Variants in NTM observed in about 807,000 individuals in gnomAD.
The protein encoded by NTM is neurotrimin.
A neutral mutation model predicts 42.1 loss-of-function variants in NTM; 13 were observed. The observed-to-expected ratio is 0.31, with a 90% confidence interval of 0.20 to 0.49. The LOEUF is 0.49. NTM is among the 20% of genes least tolerant of loss of function. The pLI is 0.99. For synonymous variants in NTM, 187 were observed against 179.2 expected, an observed-to-expected ratio of 1.04 and a Z score of -0.35; for missense variants, 373 against 452.8, an observed-to-expected ratio of 0.82 and a Z score of 1.60.
chr11:132,001,912 A>C (rs886864951), intron 2 of NTM, among the ~76,000 whole-genome samples: 1 of 152,166 alleles, frequency 6.6e-6, no homozygotes, highest in Non-Finnish European at 1.5e-5. Flanking sequence ...GTAATTAGAC[A>C]GGTATGGATG....
At chr11:132,043,257 G>T (rs2077447347) in intron 2 of NTM, among the ~76,000 whole-genome samples, 2 of 152,162 alleles carry the variant, frequency 1.3e-5, no homozygotes, top group Admixed American at 1.3e-4. Context: ...ACCTGAGCTT[G>T]GTTTTAAGAT....
intron 2 of NTM, among the ~76,000 whole-genome samples, chr11:132,072,521 A>G (rs944835674): frequency 2.6e-5 from 4 of 152,186 alleles, no homozygotes; most frequent in Admixed American, 6.5e-5. Flanking sequence ...ATAGTTGTGA[A>G]CCATGGGGAA....
At position 131,566,431 on chromosome 11, in the gene NTM, G is replaced by T. The variant is rs930135642; in HGVS notation, c.82+195543G>T. On this transcript the variant is annotated intron_variant, in intron 1 of 8. Coordinates refer to ENST00000683400, the MANE Select transcript of NTM (RefSeq NM_001352005.2). ...CATGTGTGTGTGTGTGTCTCGATGT[G>T]CGTGTGTGTGTGTGTGTGTCTGTGT... 8.0e-4 allele frequency among the ~76,000 whole-genome samples: 70 copies of T among 87,156 alleles called. 1 individual carries two copies. The highest frequency in any genetic ancestry group is 4.8e-3 in the African/African-American group (69 of 14,376). The allele number at this position is 87,156 out of a possible 152,430, so 57.2% of individuals were successfully genotyped here. A position where few individuals can be genotyped will look rare whatever the true frequency, so the allele number is the denominator to read the frequency against.
chr11:131,578,337 G>A (rs1295494519), intron 1 of NTM, among the ~76,000 whole-genome samples: 2 of 152,178 alleles, frequency 1.3e-5, no homozygotes, highest in African/African-American at 4.8e-5. Flanking sequence ...ATTCAGTTAT[G>A]ATCTATCTAA....
chr11:131,936,852 G>A (rs1209464787), intron 2 of NTM, among the ~76,000 whole-genome samples: 1 of 152,142 alleles, frequency 6.6e-6, no homozygotes, highest in East Asian at 1.9e-4. Context: ...TGCTCCAAGT[G>A]CTTATGTGCA....
intron 2 of NTM, among the ~76,000 whole-genome samples, chr11:131,977,849 A>G (rs527930393): frequency 3.9e-5 from 6 of 152,354 alleles, no homozygotes; most frequent in East Asian, 1.9e-4. Flanking sequence ...GCTCAGTACA[A>G]TGACTCTTTA....
chr11:131,509,996 G>C (rs371092772), intron 1 of NTM, among the ~76,000 whole-genome samples: 2 of 152,006 alleles, frequency 1.3e-5, no homozygotes, highest in African/African-American at 4.8e-5. Context: ...GTGATCTCGG[G>C]GGTGGGCCAG....
chr11:132,021,403 CTTTGT>C (rs377135358), intron 2 of NTM, among the ~76,000 whole-genome samples: 430 of 152,234 alleles, frequency 2.8e-3, no homozygotes, highest in African/African-American at 1.0e-2. Flanking sequence ...CTATTGCCTA[CTTTGT>C]TTTGTATGGG....
At position 131,598,802 on chromosome 11, in the gene NTM, TC is replaced by T. The variant is rs1392202502; in HGVS notation, c.82+227915del. On this transcript the variant is annotated intron_variant, in intron 1 of 8. Coordinates refer to ENST00000683400, the MANE Select transcript of NTM (RefSeq NM_001352005.2). ...TCTTTCTTCTTTCTTTCTTTCTTTT[TC>T]TTTCTTTCTTCTTTCTTTCTTTCTT... 1.6e-3 allele frequency among the ~76,000 whole-genome samples: 140 copies of T among 86,846 alleles called. 6 individuals carry two copies. The highest frequency in any genetic ancestry group is 2.9e-3 in the Admixed American group (22 of 7,532). 57.0% of individuals were successfully genotyped at this position (86,846 alleles called of 152,430 possible).
intron 4 of NTM, among the ~76,000 whole-genome samples, chr11:132,226,635 A>T (rs2086353567): frequency 6.6e-6 from 1 of 152,188 alleles, no homozygotes; most frequent in African/African-American, 2.4e-5. Flanking sequence ...AACCATGAAG[A>T]GAAAGATGGA....
intron 1 of NTM, among the ~76,000 whole-genome samples, chr11:131,483,522 A>G (rs547396283): frequency 6.6e-6 from 1 of 152,348 alleles, no homozygotes; most frequent in East Asian, 1.9e-4. Context: ...AATGGTGAAG[A>G]AAGGAGAGAC....
At chr11:131,997,785 G>A (rs1396558698) in intron 2 of NTM, among the ~76,000 whole-genome samples, 1 of 152,134 alleles carries the variant, frequency 6.6e-6, no homozygotes, top group Non-Finnish European at 1.5e-5. Flanking sequence ...TTCCAATGAA[G>A]GTGGCATTTG....
intron 1 of NTM, among the ~76,000 whole-genome samples, chr11:131,601,802 A>G (rs980484257): frequency 6.6e-6 from 1 of 152,216 alleles, no homozygotes; most frequent in African/African-American, 2.4e-5. Flanking sequence ...TAGTCATCAT[A>G]TATTTATCCA....
At chr11:131,551,690 C>T (rs753108527) in intron 1 of NTM, among the ~76,000 whole-genome samples, 10 of 152,170 alleles carry the variant, frequency 6.6e-5, no homozygotes, top group Middle Eastern at 3.2e-3. Context: ...CTTATCCACA[C>T]GGGCTTTCTT....
At chr11:131,861,788 G>A (rs531187113) in intron 1 of NTM, among the ~76,000 whole-genome samples, 1 of 152,334 alleles carries the variant, frequency 6.6e-6, no homozygotes, top group Admixed American at 6.5e-5. Context: ...AGGCCACACA[G>A]CAGCTTGCAG....
At chr11:131,668,184 C>A (rs556332677) in intron 1 of NTM, among the ~76,000 whole-genome samples, 1 of 152,134 alleles carries the variant, frequency 6.6e-6, no homozygotes, top group African/African-American at 2.4e-5. Flanking sequence ...TATCACCTTA[C>A]GTTCTTGTGG....
chr11:131,438,545 C>A (rs111857997), intron 1 of NTM, among the ~76,000 whole-genome samples: 2 of 152,242 alleles, frequency 1.3e-5, no homozygotes, highest in East Asian at 1.9e-4. Context: ...CTTCAATCAC[C>A]GATACCCTTT....
intron 1 of NTM, among the ~76,000 whole-genome samples, chr11:131,421,910 C>G (rs1460406402): frequency 6.6e-6 from 1 of 152,154 alleles, no homozygotes; most frequent in East Asian, 1.9e-4. Context: ...ATGCATTTTA[C>G]TTCCATAATT....
At chr11:131,669,294 C>T (rs2069676662) in intron 1 of NTM, among the ~76,000 whole-genome samples, 1 of 152,180 alleles carries the variant, frequency 6.6e-6, no homozygotes, top group Non-Finnish European at 1.5e-5. Context: ...AGAGGTCAGG[C>T]TCTGGAATCA....
Sources: gnomAD v4.1 joint callset for allele counts (sites outside exome capture counted in the v4.1 genomes callset) on GRCh38, gnomAD v4.1.1 for gene constraint, MANE v1.5 for transcripts, NCBI Gene and HGNC (gene_info 2026-07-23, HGNC 2026-07-21) for gene names.